TTLL5: variants seen among roughly 807,000 people sequenced by gnomAD.
TTLL5 encodes tubulin polyglutamylase TTLL5.
A neutral mutation model predicts 168.4 loss-of-function variants in TTLL5; 132 were observed. The ratio of observed to expected loss-of-function variants is 0.78; its 90% CI spans 0.68 to 0.91. The LOEUF (loss-of-function observed/expected upper bound fraction) is 0.91. Ranked by LOEUF, TTLL5 falls within the 40% of genes least tolerant of loss-of-function variation. TTLL5 has a pLI of 0.00. For missense variants in TTLL5, 1,545 were observed against 1,581.5 expected, an observed-to-expected ratio of 0.98 and a Z score of 0.39; for synonymous variants, 546 against 558.6, an observed-to-expected ratio of 0.98 and a Z score of 0.32.
At chr14:75,827,707 C>CTTTTTTGTTTTTTTTTTTTTTT (rs1895281232) in intron 28 of TTLL5, among the ~76,000 whole-genome samples, 1 of 53,170 alleles carries the variant, frequency 1.9e-5, no homozygotes, top group African/African-American at 8.0e-5. Flanking sequence ...TGGCTTGGTT[C>CTTTTTTGTTTTTTTTTTTTTTT]TTTTTTTTTT....
At chr14:75,691,284 A>C (rs927124097) in intron 6 of TTLL5, among the ~76,000 whole-genome samples, 1 of 152,168 alleles carries the variant, frequency 6.6e-6, no homozygotes, top group Admixed American at 6.5e-5. Flanking sequence ...GGCCAGGCAG[A>C]GGCGCTGGGC....
In TTLL5 at chr14:75,955,024, A is replaced by T. The variant is rs2035063227; in HGVS notation, c.*578A>T. On this transcript the variant is annotated 3_prime_UTR_variant, in exon 32 of 32. Transcript: ENST00000298832. ...TGCCATTGACAACATGAGCCAGGGT[A>T]AAGGCACCCTTTGGAATTACTGATT... is the stretch of plus-strand genomic sequence containing the variant. The T allele has an allele frequency of 6.6e-6, 1 of 152,292 alleles. No individual in the cohort carries two copies. Among genetic ancestry groups the T allele is most frequent in the South Asian group, 2.1e-4 (1 of 4,824 alleles). 9.4% of individuals were successfully genotyped at this position (152,292 alleles called of 1,614,324 possible). A position where few individuals can be genotyped will look rare whatever the true frequency, so the allele number is the denominator to read the frequency against.
chr14:75,837,847 G>A (rs1194768537), intron 28 of TTLL5, among the ~76,000 whole-genome samples: 3 of 151,864 alleles, frequency 2.0e-5, no homozygotes, highest in Admixed American at 2.0e-4. Flanking sequence ...AGATATATGT[G>A]TGTGTGTATG....
chr14:75,900,085 C>G (rs10467829), intron 30 of TTLL5, among the ~76,000 whole-genome samples: 1,838 of 152,194 alleles, frequency 0.012, 27 homozygotes, highest in African/African-American at 0.029. Flanking sequence ...CTTAGGCCCT[C>G]CAGAACTTTT....
At chr14:75,887,608 G>A (rs1054222230) in intron 30 of TTLL5, among the ~76,000 whole-genome samples, 3 of 152,164 alleles carry the variant, frequency 2.0e-5, no homozygotes, top group South Asian at 4.2e-4. Context: ...AACAAGGTAC[G>A]CAGGTGTTCA....
chr14:75,929,012 C>T (rs965915517), intron 31 of TTLL5, among the ~76,000 whole-genome samples: 14 of 149,680 alleles, frequency 9.4e-5, no homozygotes, highest in African/African-American at 3.5e-4. Flanking sequence ...CCCACCCCCA[C>T]AGTTTATTTC....
chr14:75,901,802 T>A (rs1488147596), intron 30 of TTLL5, among the ~76,000 whole-genome samples: 1 of 152,224 alleles, frequency 6.6e-6, no homozygotes, highest in Non-Finnish European at 1.5e-5. Flanking sequence ...AATATAATTT[T>A]TTCCTTCAAT....
chr14:75,791,105 CAAAAA>C (rs372035829), intron 26 of TTLL5, among the ~76,000 whole-genome samples: 1 of 77,276 alleles, frequency 1.3e-5, no homozygotes, highest in South Asian at 4.3e-4. Flanking sequence ...GACTCTGTCT[CAAAAA>C]AAAAAAAAAA....
chr14:75,924,052 T>TC (rs1324078186), intron 31 of TTLL5, among the ~76,000 whole-genome samples: 2 of 151,700 alleles, frequency 1.3e-5, no homozygotes, highest in Non-Finnish European at 2.9e-5. Context: ...AGCTTTTTTT[T>TC]TTTTTGCTTT....
chr14:75,808,982 T>C (rs1329732822), intron 27 of TTLL5, among the ~76,000 whole-genome samples: 1 of 151,504 alleles, frequency 6.6e-6, no homozygotes, highest in Non-Finnish European at 1.5e-5. Context: ...GGAATATATA[T>C]ATATATATTC....
Position 75,783,412 on chromosome 14 carries a change from C to A in TTLL5, c.2868C>A (p.Ser956Arg), listed in dbSNP as rs767944840. ...ATCCCGGGGCACAGAACATCCCAAG[C>A]CCTACTGGCCTGCCACGCTGTCGAT... is the stretch of plus-strand genomic sequence containing the variant. ...CLHPGAQNIP[S>R]PTGLPRCRSG... Residue 956 changes from serine (S) to arginine (R), a missense_variant, in exon 26 of 32, where the codon AGC becomes AGA. Ser to Arg is a moderately radical substitution (Grantham distance 110, BLOSUM62 -1). Transcript: ENST00000298832. 11 of 1,614,228 alleles carry A rather than the reference C, an allele frequency of 6.8e-6. No individual in the cohort carries two copies. Among genetic ancestry groups the A allele is most frequent in the Non-Finnish European group, 9.3e-6 (11 of 1,180,042 alleles).
chr14:75,779,947 A>G (rs1217968633), intron 24 of TTLL5, among the ~76,000 whole-genome samples: 1 of 152,130 alleles, frequency 6.6e-6, no homozygotes, highest in Non-Finnish European at 1.5e-5. Context: ...AAAGCTAATA[A>G]TAGCTGATAT....
At chr14:75,709,828 TAAAA>T (rs60209676) in intron 9 of TTLL5, 18 of 39,890 alleles carry the variant, frequency 4.5e-4, no homozygotes, top group East Asian at 1.4e-3. Context: ...CCCATCTCAT[TAAAA>T]AAAAAAAAAA....
intron 30 of TTLL5, among the ~76,000 whole-genome samples, chr14:75,889,611 G>A (rs1304826373): frequency 5.9e-5 from 9 of 151,970 alleles, no homozygotes; most frequent in Admixed American, 1.3e-4. Flanking sequence ...GGGGATCACC[G>A]GAGGTCAGGA....
In TTLL5 at chr14:75,874,933, C is replaced by CCTTTTTTTTTTTTTTTTT. The variant is rs778792332; in HGVS notation, c.3523-7752_3523-7751insCTTTTTTTTTTTTTTTTT. Among the ~76,000 whole-genome samples, 66 of 97,532 alleles carry CCTTTTTTTTTTTTTTTTT rather than the reference C, an allele frequency of 6.8e-4. 12 individuals are homozygous for CCTTTTTTTTTTTTTTTTT. The highest frequency in any genetic ancestry group is 2.2e-3 in the African/African-American group (44 of 20,368). The allele number at this position is 97,532 out of a possible 152,430, so 64.0% of individuals were successfully genotyped here. On this transcript the variant is annotated intron_variant, in intron 29 of 31. Coordinates refer to ENST00000298832, the MANE Select transcript of TTLL5 (RefSeq NM_015072.5). ...AGAGAAAAAAAAAGACACTGGGGGC[C>CCTTTTTTTTTTTTTTTTT]TTTTTTTTTTTTTTTTTTGAGACGG...
chr14:75,886,619 A>ATT, intron 30 of TTLL5: 8 of 1,147,092 alleles, frequency 7.0e-6, no homozygotes, highest in Non-Finnish European at 8.4e-6. Flanking sequence ...ATGATTTAAA[A>ATT]TTTTTTTTTT....
intron 14 of TTLL5, 50 bp downstream of exon 14, chr14:75,734,100 C>T (rs535623033): frequency 3.4e-5 from 54 of 1,579,840 alleles, no homozygotes; most frequent in Non-Finnish European, 4.4e-5. Context: ...TTAACCGGAG[C>T]GTCCATTTTA....
At chr14:75,727,854 G>A (rs1176665819) in intron 12 of TTLL5, 2 of 502,508 alleles carry the variant, frequency 4.0e-6, no homozygotes, top group East Asian at 1.1e-4. Flanking sequence ...CGTTGTCAGG[G>A]ATGGGGGAAA....
At chr14:75,946,204 A>T (rs1001549132) in intron 31 of TTLL5, among the ~76,000 whole-genome samples, 3 of 152,242 alleles carry the variant, frequency 2.0e-5, no homozygotes, top group African/African-American at 7.2e-5. Context: ...GAGGTTAAAA[A>T]GAAAATGAAA....
Sources: allele counts gnomAD v4.1 joint callset (sites outside exome capture counted in the v4.1 genomes callset), GRCh38; gene constraint gnomAD v4.1.1; transcripts MANE v1.5; gene names NCBI Gene and HGNC (gene_info 2026-07-23, HGNC 2026-07-21).